CSMD1: variants seen among roughly 807,000 people sequenced by gnomAD.
The protein encoded by CSMD1 is CUB and sushi domain-containing protein 1.
CSMD1 carries 213 observed loss-of-function variants against 417.5 expected under a neutral mutation model. The ratio of observed to expected loss-of-function variants is 0.51; its 90% confidence interval spans 0.46 to 0.57. The LOEUF is 0.57. Among genes scored for constraint, CSMD1 ranks in the 20% least tolerant of loss-of-function variants. The probability of loss-of-function intolerance (pLI) is 0.00; values close to 1 mark genes in which losing one functional copy is unlikely to be tolerated. For missense variants in CSMD1, 6,923 were observed against 4,529.7 expected (o/e 1.53, Z -15.17); for synonymous variants, 2,862 against 1,736.8 (o/e 1.65, Z -16.11).
chr8:4,235,086 G>T (rs773928013), intron 3 of CSMD1, among the ~76,000 whole-genome samples: 1 of 151,932 alleles, frequency 6.6e-6, no homozygotes, highest in African/African-American at 2.4e-5. Context: ...CCTTTCCAGG[G>T]GACTTCAAGA....
intron 41 of CSMD1, among the ~76,000 whole-genome samples, chr8:3,121,233 T>C (rs1308817781): frequency 6.6e-6 from 1 of 152,202 alleles, no homozygotes; most frequent in Non-Finnish European, 1.5e-5. Context: ...CAGCTTCCTG[T>C]GGTTAAGCCC....
At chr8:3,218,166 A>G (rs1797990010) in intron 29 of CSMD1, among the ~76,000 whole-genome samples, 1 of 152,224 alleles carries the variant, frequency 6.6e-6, no homozygotes, top group Non-Finnish European at 1.5e-5. Context: ...TGATGATAAA[A>G]GAAAAGAGCT....
At chr8:4,087,019 C>T (rs1263162051) in intron 3 of CSMD1, among the ~76,000 whole-genome samples, 1 of 152,190 alleles carries the variant, frequency 6.6e-6, no homozygotes, top group African/African-American at 2.4e-5. Context: ...CTATGTACAT[C>T]ATGGAATTAA....
At chr8:3,720,469 A>G (rs563574867) in intron 6 of CSMD1, among the ~76,000 whole-genome samples, 35 of 152,302 alleles carry the variant, frequency 2.3e-4, no homozygotes, top group African/African-American at 8.2e-4. Flanking sequence ...GTCCTTTCAG[A>G]TCTGTGAACA....
intron 1 of CSMD1, among the ~76,000 whole-genome samples, chr8:4,900,166 A>C (rs1361399325): frequency 6.6e-6 from 1 of 151,996 alleles, no homozygotes; most frequent in Non-Finnish European, 1.5e-5. Context: ...GACATACCTC[A>C]CCACATTCAA....
intron 3 of CSMD1, among the ~76,000 whole-genome samples, chr8:4,144,088 C>G (rs930657829): frequency 6.6e-6 from 1 of 151,086 alleles, no homozygotes; most frequent in African/African-American, 2.5e-5. Flanking sequence ...TTTCCATTAA[C>G]TTTAGAAAGT....
intron 3 of CSMD1, among the ~76,000 whole-genome samples, chr8:4,215,471 G>C (rs1265206223): frequency 3.4e-5 from 5 of 148,314 alleles, no homozygotes; most frequent in Non-Finnish European, 5.9e-5. Flanking sequence ...ACTGAGAAAA[G>C]AATTTGGGGG....
intron 3 of CSMD1, among the ~76,000 whole-genome samples, chr8:4,244,216 G>A (rs1466917524): frequency 6.6e-6 from 1 of 152,126 alleles, no homozygotes; most frequent in Non-Finnish European, 1.5e-5. Flanking sequence ...CCAAGCAGCA[G>A]CAACAGTAAC....
chr8:3,748,152 G>C (rs2129052363), intron 6 of CSMD1, among the ~76,000 whole-genome samples: 1 of 152,256 alleles, frequency 6.6e-6, no homozygotes, highest in Non-Finnish European at 1.5e-5. Flanking sequence ...GTGCCATTGA[G>C]ACTTTACAAG....
At chr8:3,233,973 G>T (rs1273370241) in intron 26 of CSMD1, among the ~76,000 whole-genome samples, 1 of 152,186 alleles carries the variant, frequency 6.6e-6, no homozygotes, top group East Asian at 1.9e-4. Context: ...ATGCATCTAT[G>T]TCTCTGTCAA....
At position 3,791,543 on chromosome 8, in the gene CSMD1, G is replaced by A. The variant is rs185679548; in HGVS notation, c.819-37501C>T. Among the ~76,000 whole-genome samples, 213 of 152,282 alleles carry A rather than the reference G, an allele frequency of 1.4e-3. 1 individual carries two copies. The highest frequency in any genetic ancestry group is 4.9e-3 in the African/African-American group (203 of 41,556). Reference sequence around the variant, plus strand: ...GACAATTTTAAAATTACCTTAACAGGCCGGGCATGGTGGCTCACGCCTATA... The same window carrying A: ...GACAATTTTAAAATTACCTTAACAGACCGGGCATGGTGGCTCACGCCTATA... On this transcript the variant is annotated intron_variant, in intron 5 of 69. Transcript: ENST00000635120.
intron 5 of CSMD1, among the ~76,000 whole-genome samples, chr8:3,783,208 T>C (rs1799272055): frequency 1.3e-5 from 2 of 152,232 alleles, no homozygotes; most frequent in South Asian, 2.1e-4. Flanking sequence ...TTCTTTCTTG[T>C]TCCTGGATAG....
intron 6 of CSMD1, among the ~76,000 whole-genome samples, chr8:3,743,044 C>T (rs989880629): frequency 6.6e-6 from 1 of 152,186 alleles, no homozygotes; most frequent in Non-Finnish European, 1.5e-5. Context: ...CTCACTTGAC[C>T]GCCATGGTCC....
intron 3 of CSMD1, among the ~76,000 whole-genome samples, chr8:4,148,693 G>A (rs769654375): frequency 6.6e-6 from 1 of 151,994 alleles, no homozygotes; most frequent in African/African-American, 2.4e-5. Flanking sequence ...TCTAGTAAGG[G>A]CACTCAGCCC....
At chr8:3,755,216 A>T (rs1797591330) in intron 5 of CSMD1, among the ~76,000 whole-genome samples, 1 of 152,220 alleles carries the variant, frequency 6.6e-6, no homozygotes, top group Non-Finnish European at 1.5e-5. Context: ...CTTCTGATAC[A>T]GGATTGCGTG....
At chr8:3,082,075 G>C (rs1814142931) in intron 49 of CSMD1, among the ~76,000 whole-genome samples, 1 of 152,118 alleles carries the variant, frequency 6.6e-6, no homozygotes, top group East Asian at 1.9e-4. Flanking sequence ...TTTCACGAGA[G>C]ACTGTGGACT....
intron 40 of CSMD1, among the ~76,000 whole-genome samples, chr8:3,144,762 A>C (rs1487361497): frequency 6.8e-6 from 1 of 147,302 alleles, no homozygotes; most frequent in Non-Finnish European, 1.5e-5. Flanking sequence ...TGAGAAAAAA[A>C]GAAAGAAAAA....
chr8:4,259,036 G>C (rs1038878782), intron 3 of CSMD1, among the ~76,000 whole-genome samples: 8 of 152,130 alleles, frequency 5.3e-5, no homozygotes, highest in Non-Finnish European at 1.2e-4. Context: ...AACTTTAAAG[G>C]AAAAATTGTG....
rs185740515 is a variant in CSMD1, at chr8:3,756,309, C to T, written c.819-2267G>A. 6.9e-3 allele frequency among the ~76,000 whole-genome samples: 1,042 copies of T among 150,680 alleles called. 12 individuals carry two copies. The highest frequency in any genetic ancestry group is 0.024 in the African/African-American group (981 of 40,976). On this transcript the variant is annotated intron_variant, in intron 5 of 69. Coordinates refer to ENST00000635120, the MANE Select transcript of CSMD1 (RefSeq NM_033225.6). ...CAGAGCTTGCAGTGAGCTGAGATCGCGCCACTGCACTCCACCCTGGGCAAC... is the reference window on the plus strand; with the variant it reads ...CAGAGCTTGCAGTGAGCTGAGATCGTGCCACTGCACTCCACCCTGGGCAAC...
Sources: allele counts gnomAD v4.1 joint callset (sites outside exome capture counted in the v4.1 genomes callset), GRCh38; gene constraint gnomAD v4.1.1; transcripts MANE v1.5; gene names NCBI Gene and HGNC (gene_info 2026-07-23, HGNC 2026-07-21).